KANSL1: variants seen among roughly 807,000 people sequenced by gnomAD.
KANSL1 encodes KAT8 regulatory NSL complex subunit 1.
Under a neutral mutation model 103.6 loss-of-function variants are expected in KANSL1, and 22 were observed. That is an observed-to-expected ratio of 0.21 (90% CI 0.15 to 0.30). The LOEUF (loss-of-function observed/expected upper bound fraction) is 0.30, where lower values mean the gene tolerates loss of function less well. KANSL1 is among the 10% of genes least tolerant of loss of function. The pLI is 1.00. For missense variants in KANSL1, 1,337 were observed against 1,399.8 expected (o/e 0.96, Z 0.72); for synonymous variants, 600 against 527.6 (o/e 1.14, Z -1.88).
chr17:46,166,164 G>A (rs1481518364), intron 2 of KANSL1, among the ~76,000 whole-genome samples: 2 of 144,734 alleles, frequency 1.4e-5, no homozygotes, highest in Non-Finnish European at 3.0e-5. Context: ...AGTGAGCCGA[G>A]ATCATGCCAC....
rs1409766437 is a variant in KANSL1 at position 46,058,731 on chromosome 17, ACACACACACACACT to A, written c.1848+7792_1848+7805del. Reference sequence around the variant, plus strand: ...TTAAAACACACACACACACACACACACACACACACACACTCTCTCTCTCTCTCTCTCTCTCTCTC... The same window carrying A: ...TTAAAACACACACACACACACACACACTCTCTCTCTCTCTCTCTCTCTCTC... On this transcript the variant is annotated intron_variant, in intron 6 of 14. Coordinates refer to ENST00000432791, the MANE Select transcript of KANSL1 (RefSeq NM_015443.4). Among the ~76,000 whole-genome samples, 5 of 87,096 alleles carry A rather than the reference ACACACACACACACT, an allele frequency of 5.7e-5. No individual in the cohort carries two copies. The East Asian group carries it at 7.7e-4, about 13-fold the overall frequency. 57.1% of individuals were successfully genotyped at this position (87,096 alleles called of 152,430 possible). A position where few individuals can be genotyped will look rare whatever the true frequency, so the allele number is the denominator to read the frequency against.
At chr17:46,085,089 A>G (rs1244619734) in intron 3 of KANSL1, among the ~76,000 whole-genome samples, 1 of 152,076 alleles carries the variant, frequency 6.6e-6, no homozygotes, top group Non-Finnish European at 1.5e-5. Context: ...ATTTCCAACT[A>G]CTTTCCCCAA....
chr17:46,172,601 A>G (rs2046342744), intron 1 of KANSL1, among the ~76,000 whole-genome samples: 1 of 152,264 alleles, frequency 6.6e-6, no homozygotes, highest in African/African-American at 2.4e-5. Context: ...AAGACACATC[A>G]AACTAAGCAA....
chr17:46,213,190 T>C (rs2048217208), intron 1 of KANSL1, among the ~76,000 whole-genome samples: 2 of 152,252 alleles, frequency 1.3e-5, no homozygotes, highest in Non-Finnish European at 2.9e-5. Flanking sequence ...CAAATACAAA[T>C]TATACACGGT....
intron 2 of KANSL1, among the ~76,000 whole-genome samples, chr17:46,119,027 G>C (rs1371341337): frequency 6.6e-6 from 1 of 152,220 alleles, no homozygotes; most frequent in Non-Finnish European, 1.5e-5. Context: ...TAACAAATGT[G>C]TATCACCAGC....
chr17:46,054,365 A>C (rs954588397), intron 6 of KANSL1, among the ~76,000 whole-genome samples: 1 of 152,040 alleles, frequency 6.6e-6, no homozygotes, highest in Non-Finnish European at 1.5e-5. Context: ...CAGTCATGAA[A>C]TCCTATTGGC....
At chr17:46,194,458 T>C (rs1004580110), upstream of KANSL1, among the ~76,000 whole-genome samples, 1 of 152,278 alleles carries the variant, frequency 6.6e-6, no homozygotes, top group Non-Finnish European at 1.5e-5. Context: ...GAACTTTATA[T>C]TGTCCCCAAA....
At chr17:46,165,985 T>TCG (rs76475392) in intron 2 of KANSL1, among the ~76,000 whole-genome samples, 21,895 of 151,028 alleles carry the variant, frequency 0.14, 2,129 homozygotes, top group Middle Eastern at 0.22. Context: ...CCAAGGTGGG[T>TCG]GGATTACCTG....
rs746273618 is a variant in KANSL1, at chr17:46,032,227, G to C, written c.2910C>G (p.Ala970=). 1.3e-6 allele frequency: 2 copies of C among 1,583,130 alleles called. No individual in the cohort carries two copies. Among genetic ancestry groups the C allele is most frequent in the Admixed American group, 3.4e-5 (2 of 58,514 alleles). The change falls in exon 14 of 15, where the codon GCC becomes GCG. Residue 970 remains alanine, a synonymous_variant. Coordinates refer to ENST00000432791, the MANE Select transcript of KANSL1 (RefSeq NM_015443.4). ...GSANPSTPQP[A]SPDVSSSHSL... is the part of the protein sequence containing the mutation. ...AGTGGCTACTGCTGACATCAGGGGAGGCAGGCTGGGGGGTGGAGGGGTTGG... is the reference window on the plus strand; with the variant it reads ...AGTGGCTACTGCTGACATCAGGGGACGCAGGCTGGGGGGTGGAGGGGTTGG...
rs760027567 is a variant in KANSL1, at chr17:46,033,486, T to C, written c.2667-26A>G. The stretch of plus-strand genomic sequence containing the variant: ...CTGCAAAACCAAGAACAGACAATCA[T>C]GAGATGGCAAGCAGGCTAAAACTGG... On this transcript the variant is annotated intron_variant, in intron 11 of 14. Coordinates refer to ENST00000432791, the MANE Select transcript of KANSL1 (RefSeq NM_015443.4). The C allele has an allele frequency of 8.7e-6, 14 of 1,606,192 alleles. No homozygotes were observed. The East Asian group carries it at 2.2e-4, about 26-fold the overall frequency.
At chr17:46,218,261 AAAT>A (rs2048402317) in intron 1 of KANSL1, among the ~76,000 whole-genome samples, 1 of 152,260 alleles carries the variant, frequency 6.6e-6, no homozygotes. Flanking sequence ...TGTCATAAGA[AAAT>A]TCGCAGCTCA....
upstream of KANSL1, chr17:46,224,688 T>TC (rs2048630342): frequency 6.8e-6 from 1 of 146,224 alleles, no homozygotes; most frequent in Non-Finnish European, 1.5e-5. Flanking sequence ...TTGACCCAAG[T>TC]CTCAGGCGGA....
chr17:46,171,546 C>A lies in KANSL1; in HGVS notation c.598G>T (p.Asp200Tyr), dbSNP rs777713473. 6.2e-7 allele frequency: 1 copy of A among 1,611,508 alleles called. No individual in the cohort carries two copies. Among genetic ancestry groups the A allele is most frequent in the South Asian group, 1.1e-5 (1 of 90,770 alleles). The change falls in exon 2 of 15, where the codon GAC becomes TAC. Residue 200 changes from aspartate (D) to tyrosine (Y), a missense_variant. By Grantham distance (160) the Asp-to-Tyr change is radical (BLOSUM62 -3). Around this residue, in one of 2 missense-constraint regions of KANSL1, gnomAD observed 557 missense variants for 476.4 expected, o/e 1.17. Transcript: ENST00000432791. Reference protein sequence around the residue: ...GGEMGGSESGDLKGGMTNCTL... With the variant: ...GGEMGGSESGYLKGGMTNCTL... ...CAATTGGTCATACCCCCCTTCAAGT[C>A]CCCAGATTCAGATCCTCCCATTTCA...
intron 1 of KANSL1, among the ~76,000 whole-genome samples, chr17:46,190,952 CAAAGA>C (rs1316144913): frequency 2.0e-4 from 31 of 152,210 alleles, no homozygotes; most frequent in Admixed American, 4.6e-4. Flanking sequence ...TAACTGTTAG[CAAAGA>C]AAATGGTCCA....
intron 2 of KANSL1, among the ~76,000 whole-genome samples, chr17:46,147,652 CTACA>C (rs2044798683): frequency 6.7e-6 from 1 of 149,314 alleles, no homozygotes; most frequent in South Asian, 2.1e-4. Flanking sequence ...TGATAAGATA[CTACA>C]TAATCACATT....
chr17:46,071,986 CT>C (rs66979657), intron 4 of KANSL1, among the ~76,000 whole-genome samples: 35 of 142,768 alleles, frequency 2.5e-4, no homozygotes, highest in Non-Finnish European at 3.6e-4. Context: ...CCCCCCACCC[CT>C]CCCCCCGCCC....
intron 2 of KANSL1, among the ~76,000 whole-genome samples, chr17:46,109,063 C>T (rs2042692212): frequency 6.6e-6 from 1 of 152,214 alleles, no homozygotes; most frequent in Admixed American, 6.5e-5. Flanking sequence ...ACCACTCTCA[C>T]CTCAGTCTCT....
chr17:46,197,385 G>A (rs1368662697), upstream of KANSL1, among the ~76,000 whole-genome samples: 1 of 152,224 alleles, frequency 6.6e-6, no homozygotes, highest in Non-Finnish European at 1.5e-5. Flanking sequence ...GCTCATGCCT[G>A]TAATCCCAGC....
At chr17:46,179,977 T>C (rs955005402) in intron 1 of KANSL1, among the ~76,000 whole-genome samples, 3 of 151,878 alleles carry the variant, frequency 2.0e-5, no homozygotes, top group Non-Finnish European at 2.9e-5. Context: ...GACAGGATAA[T>C]TGCTTGAACC....
Sources: allele counts gnomAD v4.1 joint callset (sites outside exome capture counted in the v4.1 genomes callset), GRCh38; gene constraint gnomAD v4.1.1; regional missense constraint gnomAD v4.1.1; transcripts MANE v1.5; gene names NCBI Gene and HGNC (gene_info 2026-07-23, HGNC 2026-07-21).